The following FOLH1 variants were observed in gnomAD, a reference collection of about 807,000 sequenced individuals.
FOLH1 encodes glutamate carboxypeptidase 2.
A neutral mutation model predicts 93.9 loss-of-function variants in FOLH1; 54 were observed. The ratio of observed to expected loss-of-function variants is 0.57; its 90% confidence interval spans 0.46 to 0.72. The LOEUF is 0.72. Ranked by LOEUF, FOLH1 falls within the 30% of genes least tolerant of loss-of-function variation. FOLH1 has a pLI of 0.00. For synonymous variants in FOLH1, 249 were observed against 303.6 expected (o/e 0.82, Z 1.87); for missense variants, 571 against 892.5 (o/e 0.64, Z 4.59).
At chr11:49,198,846 C>T (rs1320579242) in intron 3 of FOLH1, among the ~76,000 whole-genome samples, 3 of 150,626 alleles carry the variant, frequency 2.0e-5, no homozygotes, top group African/African-American at 7.3e-5. Context: ...ACTCCTGGCT[C>T]CAGCAATCAT....
In FOLH1 at chr11:49,146,940, A is replaced by G; in HGVS notation, c.2069T>C (p.Val690Ala). The G allele has an allele frequency of 1.2e-6, 2 of 1,608,482 alleles. No individual in the cohort carries two copies. The highest frequency in any genetic ancestry group is 1.7e-6 in the Non-Finnish European group (2 of 1,176,990). The change falls in exon 19 of 19, where the codon GTC becomes GCC. Residue 690 changes from valine (V) to alanine (A), a missense_variant. Transcript: ENST00000256999. ...GTTGTGGCTGCTTGGAGCATAGATG[A>G]CATGCCTGTTGATAAAATCGTTTGC... Reference protein sequence around the residue: ...GLPDRPFYRHVIYAPSSHNKY... With the variant: ...GLPDRPFYRHAIYAPSSHNKY...
Position 49,173,415 on chromosome 11 carries a change from C to T in FOLH1, c.1167G>A (p.Gln389=). The T allele has an allele frequency of 2.5e-6, 4 of 1,612,504 alleles. No individual in the cohort carries two copies. In the African/African-American group the frequency reaches 4.0e-5, roughly 16 times the overall value. Residue 389 remains glutamine, a synonymous_variant, in exon 10 of 19, where the codon CAG becomes CAA. Transcript: ENST00000256999. ...TTTCATGAACAACAGCTGCTCCACT[C>T]TGAGGGTCAATACCACCAAACACCC... The part of the protein sequence containing the change: ...DSWVFGGIDP[Q]SGAAVVHEIV...
chr11:49,164,621 AACACCACCTATGTTTAACATAATACCT>A (rs1858135488), intron 13 of FOLH1, 57 bp downstream of exon 13: 1 of 913,030 alleles, frequency 1.1e-6, no homozygotes, highest in Admixed American at 2.5e-5. Flanking sequence ...GAAGTTATAA[AACACCACCTATGTTTAACATAATACCT>A]CAAGAAAACA....
At chr11:49,163,068 A>C (rs1857907164) in intron 13 of FOLH1, among the ~76,000 whole-genome samples, 1 of 152,184 alleles carries the variant, frequency 6.6e-6, no homozygotes, top group Non-Finnish European at 1.5e-5. Context: ...TCAGGGACCC[A>C]GTTTAAAAAG....
At chr11:49,178,153 T>G (rs1469060438) in intron 7 of FOLH1, among the ~76,000 whole-genome samples, 4 of 152,166 alleles carry the variant, frequency 2.6e-5, no homozygotes, top group African/African-American at 9.7e-5. Flanking sequence ...TCACACCCTA[T>G]GCAAATGACA....
chr11:49,155,151 A>T (rs920483241), intron 15 of FOLH1, among the ~76,000 whole-genome samples: 2 of 152,156 alleles, frequency 1.3e-5, no homozygotes, highest in Admixed American at 1.3e-4. Context: ...ATATAAAAGG[A>T]CATTTTATGT....
rs910612767 is a variant in FOLH1, at chr11:49,146,043, G to T, written c.*713C>A. Among the ~76,000 whole-genome samples, 1 of 152,022 alleles carries T rather than the reference G, an allele frequency of 6.6e-6. No individual in the cohort carries two copies. The highest frequency in any genetic ancestry group is 6.6e-5 in the Admixed American group (1 of 15,252). ...ACATGTAAAGGATACAGCCATGTGT[G>T]ATAAAATTATAAATAATGACAGAGG... is the stretch of plus-strand genomic sequence containing the variant. On this transcript the variant is annotated 3_prime_UTR_variant, in exon 19 of 19. Transcript: ENST00000256999.
In FOLH1 at chr11:49,200,346, G is replaced by T; in HGVS notation, c.320C>A (p.Ser107Tyr). Residue 107 changes from serine (S) to tyrosine (Y), a missense_variant, in exon 3 of 19, where the codon TCT becomes TAT. Physicochemically the swap from Ser to Tyr is moderately radical, Grantham distance 144 (BLOSUM62 -2). Around this residue, in one of 2 missense-constraint regions of FOLH1, gnomAD observed 500 missense variants for 822.9 expected, o/e 0.61. Transcript: ENST00000256999. The stretch of plus-strand genomic sequence containing the variant: ...GACATCATAATGTGCTAGCTCAACA[G>T]AATCCAGGCCAAATTCTTTCCACTG... The part of the protein sequence containing the change: ...QSQWKEFGLD[S>Y]VELAHYDVLL... The T allele has an allele frequency of 1.2e-6, 2 of 1,613,530 alleles. No homozygotes were observed. The highest frequency in any genetic ancestry group is 1.7e-6 in the Non-Finnish European group (2 of 1,179,658).
intron 7 of FOLH1, 115 bp downstream of exon 7, chr11:49,183,034 C>A: frequency 3.7e-6 from 3 of 801,066 alleles, no homozygotes; most frequent in Non-Finnish European, 5.9e-6. Context: ...AAATTACAAG[C>A]AACACCCATG....
Position 49,145,603 on chromosome 11 carries a change from A to G in FOLH1, c.*1153T>C, listed in dbSNP as rs1359995451. On this transcript the variant is annotated 3_prime_UTR_variant, in exon 19 of 19. Coordinates refer to ENST00000256999, the MANE Select transcript of FOLH1 (RefSeq NM_004476.3). ...AATTTGAAGCAGATTCTTCAAGGGC[A>G]ACACTACAGCGACTTCTTAACTTTG... is the stretch of plus-strand genomic sequence containing the variant. Among the ~76,000 whole-genome samples the G allele has an allele frequency of 6.6e-6, 1 of 152,192 alleles. No homozygotes were observed. Among genetic ancestry groups the G allele is most frequent in the Non-Finnish European group, 1.5e-5 (1 of 68,030 alleles).
Position 49,208,600 on chromosome 11 carries a change from A to G in FOLH1, c.-191T>C. The G allele has an allele frequency of 2.4e-6, 1 of 421,186 alleles. No homozygotes were observed. Among genetic ancestry groups the G allele is most frequent in the Non-Finnish European group, 4.2e-6 (1 of 238,180 alleles). 26.1% of individuals were successfully genotyped at this position (421,186 alleles called of 1,614,324 possible). A position where few individuals can be genotyped will look rare whatever the true frequency, so the allele number is the denominator to read the frequency against. On this transcript the variant is annotated 5_prime_UTR_variant, in exon 1 of 19. Coordinates refer to ENST00000256999, the MANE Select transcript of FOLH1 (RefSeq NM_004476.3). ...CACCACAGCAGTGTTTCTAGAGTGC[A>G]CTGAACCAATCCGAGCGAGAGAGAG...
At chr11:49,153,524 G>A (rs1334359199) in intron 17 of FOLH1, among the ~76,000 whole-genome samples, 3 of 152,110 alleles carry the variant, frequency 2.0e-5, no homozygotes, top group Non-Finnish European at 4.4e-5. Flanking sequence ...CTGATCAAAT[G>A]TCAGGAGGGA....
intron 9 of FOLH1, 38 bp from the exon 10 acceptor site, chr11:49,173,514 G>C: frequency 7.7e-7 from 1 of 1,292,080 alleles, no homozygotes; most frequent in South Asian, 1.5e-5. Flanking sequence ...GTCATTTCAG[G>C]TCAATAAAAG....
At chr11:49,169,578 A>G (rs1208919164) in intron 11 of FOLH1, among the ~76,000 whole-genome samples, 1 of 152,224 alleles carries the variant, frequency 6.6e-6, no homozygotes, top group Admixed American at 6.5e-5. Flanking sequence ...AGCAAACATG[A>G]ATGACCTAAG....
intron 1 of FOLH1, among the ~76,000 whole-genome samples, chr11:49,207,124 A>G (rs1015401197): frequency 2.0e-5 from 3 of 152,126 alleles, no homozygotes; most frequent in Admixed American, 2.0e-4. Context: ...AGAGTGAGGG[A>G]TCAGGAAACA....
intron 10 of FOLH1, among the ~76,000 whole-genome samples, chr11:49,171,972 G>A (rs1473607411): frequency 6.6e-6 from 1 of 152,114 alleles, no homozygotes; most frequent in Admixed American, 6.6e-5. Flanking sequence ...GAGTAAAGAT[G>A]AAGACACCAC....
intron 7 of FOLH1, 72 bp from the exon 8 acceptor site, chr11:49,176,029 C>T (rs1167323032): frequency 1.5e-6 from 2 of 1,342,836 alleles, no homozygotes; most frequent in Non-Finnish European, 1.1e-6. Context: ...TTAATGGATT[C>T]ACTTTATTGA....
chr11:49,173,602 C>T (rs1477953546), intron 9 of FOLH1, 126 bp from the exon 10 acceptor site: 5 of 988,924 alleles, frequency 5.1e-6, no homozygotes, highest in Non-Finnish European at 4.1e-6. Flanking sequence ...CTAGGTTCCC[C>T]AAGATTTGTG....
intron 12 of FOLH1, among the ~76,000 whole-genome samples, chr11:49,165,535 G>A (rs1858278833): frequency 6.6e-6 from 1 of 152,182 alleles, no homozygotes; most frequent in Admixed American, 6.5e-5. Context: ...GACTCAGGAG[G>A]AGTTTTGGGG....
Sources: gnomAD v4.1 joint callset for allele counts (sites outside exome capture counted in the v4.1 genomes callset) on GRCh38, gnomAD v4.1.1 for gene constraint, gnomAD v4.1.1 regional missense constraint, MANE v1.5 for transcripts, NCBI Gene and HGNC (gene_info 2026-07-23, HGNC 2026-07-21) for gene names.